EXOC4: variants seen among roughly 807,000 people sequenced by gnomAD.
EXOC4 encodes SEC8-like 1.
In EXOC4, 71 loss-of-function variants were observed where a neutral mutation model predicts 107.2. That is an observed-to-expected ratio of 0.66 (90% confidence interval 0.55 to 0.81). The LOEUF (loss-of-function observed/expected upper bound fraction) is 0.81, where lower values mean the gene tolerates loss of function less well. Among genes scored for constraint, EXOC4 ranks in the 30% least tolerant of loss-of-function variants. The pLI is 0.00. For synonymous variants in EXOC4, 456 were observed against 441.2 expected, an observed-to-expected ratio of 1.03 and a Z score of -0.42; for missense variants, 1,108 against 1,189.6, an observed-to-expected ratio of 0.93 and a Z score of 1.01.
Position 133,439,273 on chromosome 7 carries a change from C to T in EXOC4, c.1183-36055C>T, listed in dbSNP as rs1019911971. On this transcript the variant is annotated intron_variant, in intron 7 of 17. Coordinates refer to ENST00000253861, the MANE Select transcript of EXOC4 (RefSeq NM_021807.4). The stretch of plus-strand genomic sequence containing the variant: ...GATCTCGGCTTACTGCAACCTCCGC[C>T]TCCTGGGTTCAAGTAATTCTCCTGC... Among the ~76,000 whole-genome samples the T allele has an allele frequency of 3.3e-5, 5 of 150,416 alleles. 1 individual carries two copies. The highest frequency in any genetic ancestry group is 2.0e-4 in the East Asian group (1 of 5,040).
intron 10 of EXOC4, among the ~76,000 whole-genome samples, chr7:133,710,390 G>A (rs1449990319): frequency 1.3e-5 from 2 of 152,282 alleles, no homozygotes; most frequent in South Asian, 2.1e-4. Context: ...GCCGGGCGCG[G>A]TGGCTCACGC....
At chr7:133,642,056 T>C (rs1358857968) in intron 10 of EXOC4, among the ~76,000 whole-genome samples, 20 of 152,254 alleles carry the variant, frequency 1.3e-4, no homozygotes, top group African/African-American at 4.8e-5. Context: ...GACATGTTGA[T>C]TTTAAAAATG....
rs578151280 is a variant in EXOC4, at chr7:133,546,672, C to T, written c.1417+66534C>T. Among the ~76,000 whole-genome samples, 11 of 152,220 alleles carry T rather than the reference C, an allele frequency of 7.2e-5. No individual in the cohort carries two copies. In the South Asian group the frequency reaches 8.3e-4, roughly 11 times the overall value. ...AAGTTCCCTAGTATCCCTTTGCAGC[C>T]GGTCCATTTCCCCACCCCCAGCCTC... On this transcript the variant is annotated intron_variant, in intron 9 of 17. Coordinates refer to ENST00000253861, the MANE Select transcript of EXOC4 (RefSeq NM_021807.4).
intron 12 of EXOC4, among the ~76,000 whole-genome samples, chr7:133,905,421 C>T (rs1563051865): frequency 6.6e-6 from 1 of 152,104 alleles, no homozygotes; most frequent in East Asian, 1.9e-4. Flanking sequence ...AAGGGAAACT[C>T]AGCTGTGAAT....
intron 11 of EXOC4, among the ~76,000 whole-genome samples, chr7:133,880,483 T>C (rs1798942854): frequency 6.6e-6 from 1 of 152,208 alleles, no homozygotes; most frequent in Non-Finnish European, 1.5e-5. Context: ...TCTACCCATA[T>C]GTAATGAGTT....
chr7:134,008,256 G>A (rs1794689543), intron 17 of EXOC4, among the ~76,000 whole-genome samples: 1 of 152,144 alleles, frequency 6.6e-6, no homozygotes, highest in African/African-American at 2.4e-5. Context: ...ATTCAAGCAT[G>A]TGATTGCCCT....
At chr7:133,965,658 T>G (rs2971979) in intron 14 of EXOC4, among the ~76,000 whole-genome samples, 105,428 of 151,222 alleles carry the variant, frequency 0.7, 37,123 homozygotes, top group East Asian at 0.91. Context: ...TATTTCTGAG[T>G]CCTCTGTTCT....
At chr7:133,526,644 A>G (rs1800083928) in intron 9 of EXOC4, among the ~76,000 whole-genome samples, 1 of 152,334 alleles carries the variant, frequency 6.6e-6, no homozygotes. Flanking sequence ...CAGTAAGAAT[A>G]CAATTACTTT....
intron 10 of EXOC4, among the ~76,000 whole-genome samples, chr7:133,670,858 A>C (rs1322183705): frequency 6.6e-6 from 1 of 152,184 alleles, no homozygotes; most frequent in Non-Finnish European, 1.5e-5. Flanking sequence ...CATGGAGTGG[A>C]CATTCTAATG....
intron 17 of EXOC4, among the ~76,000 whole-genome samples, chr7:134,010,748 T>G (rs942169508): frequency 3.3e-5 from 5 of 152,226 alleles, no homozygotes. Context: ...GTCAGAAAAC[T>G]TATTTAACAA....
In EXOC4 at chr7:133,289,096, C is replaced by G. The variant is rs200463309; in HGVS notation, c.451C>G (p.Leu151Val). The change falls in exon 3 of 18, where the codon CTC (leucine) becomes GTC (valine). Residue 151 changes from leucine to valine, a missense_variant. By Grantham distance (32) the Leu-to-Val change is conservative (BLOSUM62 1). Coordinates refer to ENST00000253861, the MANE Select transcript of EXOC4 (RefSeq NM_021807.4). The stretch of plus-strand genomic sequence containing the variant: ...ACAGTGCATGGCCAGCAAGCACTAT[C>G]TCAGTGCCACTGACATGTTGGTAAG... Reference protein sequence around the residue: ...LEQCMASKHYLSATDMLVSAV... With the variant: ...LEQCMASKHYVSATDMLVSAV... 1.7e-5 allele frequency: 27 copies of G among 1,613,884 alleles called. No individual in the cohort carries two copies. Among genetic ancestry groups the G allele is most frequent in the Non-Finnish European group, 3.4e-6 (4 of 1,179,928 alleles).
intron 7 of EXOC4, among the ~76,000 whole-genome samples, chr7:133,439,799 A>T (rs1212595667): frequency 1.3e-5 from 2 of 152,134 alleles, no homozygotes; most frequent in African/African-American, 4.8e-5. Context: ...CTCAGCCCAG[A>T]TGACCCTTCC....
At chr7:133,842,662 T>A (rs1798045929) in intron 11 of EXOC4, among the ~76,000 whole-genome samples, 1 of 152,238 alleles carries the variant, frequency 6.6e-6, no homozygotes, top group South Asian at 2.1e-4. Context: ...AGGTTCCATT[T>A]ATTGATTTTT....
In EXOC4 at chr7:133,922,714, G is replaced by A. The variant is rs1799963356; in HGVS notation, c.2027+4976G>A. Reference sequence around the variant, plus strand: ...TACAAAAAAATTAGCCGGGTGTGGTGGCAGGTGCCTGTAGTCCCCAGCTAC... The same window carrying A: ...TACAAAAAAATTAGCCGGGTGTGGTAGCAGGTGCCTGTAGTCCCCAGCTAC... On this transcript the variant is annotated intron_variant, in intron 13 of 17. Coordinates refer to ENST00000253861, the MANE Select transcript of EXOC4 (RefSeq NM_021807.4). 2.6e-5 allele frequency among the ~76,000 whole-genome samples: 4 copies of A among 152,246 alleles called. No individual in the cohort carries two copies. In the South Asian group the frequency reaches 8.3e-4, roughly 32 times the overall value.
chr7:134,083,109 T>C, the EXOC4 span, among the ~76,000 whole-genome samples: 1 of 152,308 alleles, frequency 6.6e-6, no homozygotes, highest in African/African-American at 2.4e-5. Context: ...CGTGACTCAG[T>C]AATTTCCCTT....
intron 13 of EXOC4, among the ~76,000 whole-genome samples, chr7:133,918,014 A>C (rs1170479494): frequency 6.7e-6 from 1 of 148,618 alleles, no homozygotes; most frequent in Non-Finnish European, 1.5e-5. Flanking sequence ...ACAGAGTCTC[A>C]CTCTGTCTCC....
intron 17 of EXOC4, among the ~76,000 whole-genome samples, chr7:134,026,801 TAGAA>T (rs1246819469): frequency 1.4e-5 from 2 of 145,958 alleles, no homozygotes; most frequent in East Asian, 4.1e-4. Flanking sequence ...AGGTAAGATT[TAGAA>T]GGAAGGAGGA....
At chr7:133,799,656 A>G (rs1796892159) in intron 10 of EXOC4, among the ~76,000 whole-genome samples, 1 of 152,218 alleles carries the variant, frequency 6.6e-6, no homozygotes, top group Non-Finnish European at 1.5e-5. Context: ...CATGCAAACC[A>G]GAGGGAAAAT....
chr7:133,782,795 T>G (rs1448018109), intron 10 of EXOC4, among the ~76,000 whole-genome samples: 1 of 152,042 alleles, frequency 6.6e-6, no homozygotes, highest in Non-Finnish European at 1.5e-5. Context: ...AGGGGCACAA[T>G]AGCAAAGGCG....
Sources: gnomAD v4.1 joint callset for allele counts (sites outside exome capture counted in the v4.1 genomes callset) on GRCh38, gnomAD v4.1.1 for gene constraint, MANE v1.5 for transcripts, NCBI Gene and HGNC (gene_info 2026-07-23, HGNC 2026-07-21) for gene names.